The following LPCAT1 variants were observed in gnomAD, a reference collection of about 807,000 sequenced individuals.
LPCAT1 encodes the protein 1-acylglycerol-3-phosphate O-acyltransferase.
A neutral mutation model predicts 60.9 loss-of-function variants in LPCAT1; 23 were observed. That is an observed-to-expected ratio of 0.38 (90% CI 0.27 to 0.53). The LOEUF (loss-of-function observed/expected upper bound fraction) is 0.53. Ranked by LOEUF, LPCAT1 falls within the 20% of genes least tolerant of loss-of-function variation. The pLI is 0.82. For missense variants in LPCAT1, 622 were observed against 723.6 expected, an observed-to-expected ratio of 0.86 and a Z score of 1.61; for synonymous variants, 340 against 301.1, an observed-to-expected ratio of 1.13 and a Z score of -1.34.
In LPCAT1 at chr5:1,521,743, G is replaced by C. The variant is rs1226277739; in HGVS notation, c.135+1967C>G. On this transcript the variant is annotated intron_variant, in intron 1 of 13. Transcript: ENST00000283415. This position sits in a 1 kb window ranked among gnomAD's most constrained non-coding sequence, Gnocchi z 4.3. ...ATCTCTGCCTGGCTTCGGCCCAAGG[G>C]AGAACAGCTGCCCAAAGCCTTCAAT... is the stretch of plus-strand genomic sequence containing the variant. 3.3e-5 allele frequency among the ~76,000 whole-genome samples: 5 copies of C among 152,128 alleles called. No individual in the cohort carries two copies. The highest frequency in any genetic ancestry group is 1.2e-4 in the African/African-American group (5 of 41,402).
intron 11 of LPCAT1, among the ~76,000 whole-genome samples, chr5:1,472,197 G>A (rs1314668355): frequency 2.6e-5 from 4 of 151,102 alleles, no homozygotes; most frequent in African/African-American, 7.3e-5. Context: ...AGGAGGAGGC[G>A]AGGTGAGGAG....
At chr5:1,507,625 G>A (rs780883766) in intron 1 of LPCAT1, among the ~76,000 whole-genome samples, 38 of 152,168 alleles carry the variant, frequency 2.5e-4, no homozygotes, top group Admixed American at 3.9e-4. Flanking sequence ...GGCAGGGGCC[G>A]GGCGCGAGCG....
At chr5:1,484,542 C>T (rs1735298147) in intron 5 of LPCAT1, among the ~76,000 whole-genome samples, 1 of 152,186 alleles carries the variant, frequency 6.6e-6, no homozygotes. Flanking sequence ...CAGCGAGTGC[C>T]ACTATGTGGT....
At chr5:1,475,773 C>T (rs572372195) in intron 9 of LPCAT1, among the ~76,000 whole-genome samples, 1 of 151,282 alleles carries the variant, frequency 6.6e-6, no homozygotes, top group Non-Finnish European at 1.5e-5. Context: ...CCCAGGAGTC[C>T]GAGGCTGCTT....
chr5:1,503,665 G>A (rs1007682305), intron 1 of LPCAT1, among the ~76,000 whole-genome samples: 3 of 152,122 alleles, frequency 2.0e-5, no homozygotes, highest in Admixed American at 6.5e-5. Flanking sequence ...CGAAACCAGC[G>A]TGCACCCATG....
intron 1 of LPCAT1, among the ~76,000 whole-genome samples, chr5:1,519,942 A>G (rs1385142484): frequency 2.0e-5 from 3 of 152,166 alleles, no homozygotes; most frequent in Non-Finnish European, 4.4e-5. Flanking sequence ...CACCGGGTAC[A>G]CTGCCCAGGG....
intron 9 of LPCAT1, among the ~76,000 whole-genome samples, chr5:1,475,774 G>A (rs980048251): frequency 6.6e-6 from 1 of 151,258 alleles, no homozygotes; most frequent in African/African-American, 2.4e-5. Flanking sequence ...CCAGGAGTCC[G>A]AGGCTGCTTC....
At chr5:1,518,582 C>T (rs1408288765) in intron 1 of LPCAT1, among the ~76,000 whole-genome samples, 10 of 152,178 alleles carry the variant, frequency 6.6e-5, no homozygotes, top group Non-Finnish European at 1.2e-4. Flanking sequence ...CCTCATGATC[C>T]GCCCGCCTCG....
intron 3 of LPCAT1, among the ~76,000 whole-genome samples, chr5:1,491,775 G>A (rs893779099): frequency 3.3e-5 from 5 of 152,142 alleles, no homozygotes; most frequent in African/African-American, 1.2e-4. Context: ...TGGATGGTGC[G>A]GATATGAAGG....
At position 1,480,822 on chromosome 5, in the gene LPCAT1, G is replaced by A. The variant is rs1735108732; in HGVS notation, c.761+120C>T. ...GTTTTCACAATGGGCTGAACCTAAC[G>A]GCTGTCCCACACCTGCTTTCACAAC... On this transcript the variant is annotated intron_variant, in intron 7 of 13. Transcript: ENST00000283415. This position sits in a 1 kb window ranked among gnomAD's most constrained non-coding sequence, Gnocchi z 6.4. The A allele has an allele frequency of 8.3e-6, 10 of 1,202,098 alleles. No homozygotes were observed. Among genetic ancestry groups the A allele is most frequent in the Admixed American group, 5.1e-5 (3 of 59,378 alleles). The allele number at this position is 1,202,098 out of a possible 1,614,324, so 74.5% of individuals were successfully genotyped here. A position where few individuals can be genotyped will look rare whatever the true frequency, so the allele number is the denominator to read the frequency against.
intron 3 of LPCAT1, among the ~76,000 whole-genome samples, chr5:1,490,577 C>T (rs974038441): frequency 1.3e-5 from 2 of 152,168 alleles, no homozygotes; most frequent in South Asian, 2.1e-4. Flanking sequence ...TTTTAGACGG[C>T]GGGAGAATAT....
intron 8 of LPCAT1, among the ~76,000 whole-genome samples, chr5:1,478,531 T>C (rs772887453): frequency 7.2e-5 from 11 of 152,256 alleles, no homozygotes; most frequent in Non-Finnish European, 1.3e-4. Context: ...TGTTCTGTGC[T>C]CGAGGCCTGG....
At chr5:1,474,952 G>A (rs144617767) in intron 9 of LPCAT1, among the ~76,000 whole-genome samples, 1 of 152,252 alleles carries the variant, frequency 6.6e-6, no homozygotes, top group Non-Finnish European at 1.5e-5. Flanking sequence ...GAAACAGCGT[G>A]AGAATTACCA....
Position 1,506,154 on chromosome 5 carries a change from G to A in LPCAT1, c.136-4551C>T, listed in dbSNP as rs149778828. On this transcript the variant is annotated intron_variant, in intron 1 of 13. Transcript: ENST00000283415. ...GAGCTCCCCAGGCCTCCAGCAGATG[G>A]GGAGGGTGTGGCTCTGCTCTGCAGT... is the stretch of plus-strand genomic sequence containing the variant. Among the ~76,000 whole-genome samples, 223 of 152,364 alleles carry A rather than the reference G, an allele frequency of 1.5e-3. 2 individuals carry two copies. The highest frequency in any genetic ancestry group is 5.2e-3 in the African/African-American group (215 of 41,592).
chr5:1,493,048 G>A (rs1029327598), intron 3 of LPCAT1, among the ~76,000 whole-genome samples: 1 of 152,264 alleles, frequency 6.6e-6, no homozygotes, highest in Non-Finnish European at 1.5e-5. Flanking sequence ...ATGAGCCTGT[G>A]GAGCTTGCAG....
chr5:1,480,153 C>T lies in LPCAT1; in HGVS notation c.762-478G>A, dbSNP rs932971745. The T allele has an allele frequency of 6.5e-5, 11 of 168,664 alleles. No homozygotes were observed. Among genetic ancestry groups the T allele is most frequent in the African/African-American group, 2.6e-4 (11 of 41,600 alleles). 10.4% of individuals were successfully genotyped at this position (168,664 alleles called of 1,614,324 possible). A position where few individuals can be genotyped will look rare whatever the true frequency, so the allele number is the denominator to read the frequency against. On this transcript the variant is annotated intron_variant, in intron 7 of 13. Transcript: ENST00000283415. The surrounding 1 kb of genome is among the most constrained non-coding windows in gnomAD (Gnocchi z 6.4). ...GGCCACACTCACGCCTCCGACAGCCCAGTGCCCCAACCCTCTTTCTGCCCT... is the reference window on the plus strand; with the variant it reads ...GGCCACACTCACGCCTCCGACAGCCTAGTGCCCCAACCCTCTTTCTGCCCT...
intron 5 of LPCAT1, among the ~76,000 whole-genome samples, chr5:1,486,429 G>A (rs943046471): frequency 1.3e-5 from 2 of 152,314 alleles, no homozygotes; most frequent in East Asian, 1.9e-4. Flanking sequence ...GGCCCAATGC[G>A]GGAAGGTCTC....
chr5:1,473,850 G>T, intron 11 of LPCAT1, 107 bp downstream of exon 11: 1 of 1,397,544 alleles, frequency 7.2e-7, no homozygotes, highest in Non-Finnish European at 9.6e-7. Flanking sequence ...TTCCTTCTCT[G>T]CTTTCAAATT....
At position 1,463,607 on chromosome 5, in the gene LPCAT1, G is replaced by T; in HGVS notation, c.*44C>A. ...CACTCGCAAAGAGGCTCATGGCGGT[G>T]ATGTCCACGCGGGAGGGGCCGCGTC... On this transcript the variant is annotated 3_prime_UTR_variant, in exon 14 of 14. Transcript: ENST00000283415. 1.2e-6 allele frequency: 2 copies of T among 1,601,372 alleles called. No homozygotes were observed. The highest frequency in any genetic ancestry group is 1.7e-5 in the Admixed American group (1 of 59,482).
Sources: gnomAD v4.1 joint callset for allele counts (sites outside exome capture counted in the v4.1 genomes callset) on GRCh38, gnomAD v4.1.1 for gene constraint, Gnocchi (gnomAD v3.1) non-coding constraint, MANE v1.5 for transcripts, NCBI Gene and HGNC (gene_info 2026-07-23, HGNC 2026-07-21) for gene names.